The following INPP4B variants were observed in gnomAD, a reference collection of about 807,000 sequenced individuals.
INPP4B encodes inositol polyphosphate 4-phosphatase type II.
Under a neutral mutation model 122.5 loss-of-function variants are expected in INPP4B, and 55 were observed. The ratio of observed to expected loss-of-function variants is 0.45; its 90% CI spans 0.36 to 0.56. INPP4B has a LOEUF of 0.56. INPP4B is among the 20% of genes least tolerant of loss of function. The pLI is 0.00. For missense variants in INPP4B, 1,000 were observed against 1,097.7 expected (o/e 0.91, Z 1.26); for synonymous variants, 403 against 388.7 (o/e 1.04, Z -0.43).
chr4:142,165,621 T>C lies in INPP4B; in HGVS notation c.1360-5060A>G, dbSNP rs984083864. Among the ~76,000 whole-genome samples, 8 of 151,894 alleles carry C rather than the reference T, an allele frequency of 5.3e-5. No individual in the cohort carries two copies. The South Asian group carries it at 1.0e-3, about 20-fold the overall frequency. ...GTAATGTTCAATAATTCAAATCCAGTATCTTAACTCAGCCTATGTATTGTT... is the reference window on the plus strand; with the variant it reads ...GTAATGTTCAATAATTCAAATCCAGCATCTTAACTCAGCCTATGTATTGTT... On this transcript the variant is annotated intron_variant, in intron 16 of 25. Transcript: ENST00000262992.
chr4:142,026,699 T>A lies in INPP4B; in HGVS notation c.*2083A>T, dbSNP rs548557022. 1 of 152,310 alleles carries A rather than the reference T, an allele frequency of 6.6e-6. No individual in the cohort carries two copies. The highest frequency in any genetic ancestry group is 2.1e-4 in the South Asian group (1 of 4,818). 9.4% of individuals were successfully genotyped at this position (152,310 alleles called of 1,614,324 possible). ...CCAGGCTGATCTCCAATTCCTGACC[T>A]CAGGTGATCTATCCACCTTGGCTCC... On this transcript the variant is annotated 3_prime_UTR_variant, in exon 26 of 26. Coordinates refer to ENST00000262992, the MANE Select transcript of INPP4B (RefSeq NM_001101669.3).
At chr4:142,679,537 C>G (rs770755755) in intron 2 of INPP4B, among the ~76,000 whole-genome samples, 3 of 151,772 alleles carry the variant, frequency 2.0e-5, no homozygotes, top group Non-Finnish European at 4.4e-5. Flanking sequence ...ATTAGTAAAG[C>G]ATGCATTCCA....
intron 2 of INPP4B, among the ~76,000 whole-genome samples, chr4:142,629,086 G>A (rs555938976): frequency 1.3e-5 from 2 of 152,062 alleles, no homozygotes; most frequent in East Asian, 1.9e-4. Flanking sequence ...TCCCTTCCAG[G>A]ACTAAGGATG....
chr4:142,213,174 A>C (rs1845613157), intron 12 of INPP4B, among the ~76,000 whole-genome samples: 1 of 152,172 alleles, frequency 6.6e-6, no homozygotes, highest in African/African-American at 2.4e-5. Flanking sequence ...TGTGAGAGGA[A>C]ATGCAAACAC....
rs548191722 is a variant in INPP4B at position 142,673,025 on chromosome 4, A to G, written c.-191+52814T>C. 3.9e-5 allele frequency among the ~76,000 whole-genome samples: 6 copies of G among 152,262 alleles called. No individual in the cohort carries two copies. In the South Asian group the frequency reaches 1.2e-3, roughly 32 times the overall value. ...ATGAATTGTCTTTGCACCCTTGCCA[A>G]CATCACATGGCCATCCTACTTCTGT... On this transcript the variant is annotated intron_variant, in intron 2 of 25. Transcript: ENST00000262992.
chr4:142,239,530 GAAAT>G (rs2149996889), intron 11 of INPP4B, among the ~76,000 whole-genome samples: 1 of 152,138 alleles, frequency 6.6e-6, no homozygotes, highest in Admixed American at 6.6e-5. Flanking sequence ...TCTTTTGCCT[GAAAT>G]ATAAGAACTT....
At chr4:142,691,075 T>C (rs549943006) in intron 2 of INPP4B, among the ~76,000 whole-genome samples, 3 of 152,268 alleles carry the variant, frequency 2.0e-5, no homozygotes, top group South Asian at 4.1e-4. Context: ...GTGGGAACCA[T>C]TGGTTTAAAT....
At chr4:142,528,774 C>G (rs1269668624) in intron 2 of INPP4B, among the ~76,000 whole-genome samples, 1 of 151,986 alleles carries the variant, frequency 6.6e-6, no homozygotes, top group Non-Finnish European at 1.5e-5. Flanking sequence ...CTTATTTAAA[C>G]CTGTTTTTAC....
chr4:142,080,347 T>C (rs188682804), intron 25 of INPP4B, among the ~76,000 whole-genome samples: 2 of 152,236 alleles, frequency 1.3e-5, no homozygotes, highest in Non-Finnish European at 2.9e-5. Context: ...ACTCATCTTA[T>C]TTTCTTTAAA....
At chr4:142,438,150 C>A (rs1230607281) in intron 3 of INPP4B, among the ~76,000 whole-genome samples, 3 of 152,128 alleles carry the variant, frequency 2.0e-5, no homozygotes, top group Non-Finnish European at 2.9e-5. Context: ...AGATTCAATG[C>A]TATTCCCATC....
At chr4:142,151,722 G>A (rs1459193275) in intron 17 of INPP4B, among the ~76,000 whole-genome samples, 1 of 152,060 alleles carries the variant, frequency 6.6e-6, no homozygotes, top group African/African-American at 2.4e-5. Flanking sequence ...CAGCCTGGAG[G>A]CACATCTATA....
intron 2 of INPP4B, among the ~76,000 whole-genome samples, chr4:142,644,044 T>TA (rs964942871): frequency 9.9e-5 from 15 of 151,768 alleles, no homozygotes; most frequent in East Asian, 1.9e-4. Context: ...CTACAAAAAC[T>TA]AAAAAAATTA....
At chr4:142,692,988 A>T (rs1760441697) in intron 2 of INPP4B, among the ~76,000 whole-genome samples, 1 of 144,842 alleles carries the variant, frequency 6.9e-6, no homozygotes, top group African/African-American at 2.6e-5. Context: ...TACATAGTAA[A>T]TTCTAACAAC....
intron 2 of INPP4B, among the ~76,000 whole-genome samples, chr4:142,539,268 C>T (rs1314850611): frequency 6.6e-6 from 1 of 151,510 alleles, no homozygotes; most frequent in Non-Finnish European, 1.5e-5. Context: ...GAAAAATGTT[C>T]CTTAGTGAAG....
intron 1 of INPP4B, among the ~76,000 whole-genome samples, chr4:142,776,162 T>A (rs1231346952): frequency 2.0e-5 from 3 of 152,198 alleles, no homozygotes; most frequent in African/African-American, 7.2e-5. Flanking sequence ...GCTCTTACTA[T>A]TTCTTTTCAA....
chr4:142,536,810 C>T (rs541773178), intron 2 of INPP4B, among the ~76,000 whole-genome samples: 3 of 151,932 alleles, frequency 2.0e-5, no homozygotes, highest in East Asian at 3.9e-4. Context: ...TTTTCTTTTT[C>T]GAGACGGAGT....
chr4:142,428,262 T>C (rs1240336142), intron 5 of INPP4B, among the ~76,000 whole-genome samples: 1 of 151,150 alleles, frequency 6.6e-6, no homozygotes. Context: ...TATCTCAATT[T>C]GCTCCCAAAA....
At chr4:142,529,516 T>C (rs1470185967) in intron 2 of INPP4B, among the ~76,000 whole-genome samples, 1 of 152,066 alleles carries the variant, frequency 6.6e-6, no homozygotes, top group African/African-American at 2.4e-5. Flanking sequence ...TTTAAAAATG[T>C]AGCTATTTTC....
At chr4:142,247,091 T>C (rs1729273401) in intron 11 of INPP4B, among the ~76,000 whole-genome samples, 1 of 152,216 alleles carries the variant, frequency 6.6e-6, no homozygotes, top group African/African-American at 2.4e-5. Context: ...TGTGATCGAT[T>C]ATGTTTATTG....
Sources: gnomAD v4.1 joint callset for allele counts (sites outside exome capture counted in the v4.1 genomes callset) on GRCh38, gnomAD v4.1.1 for gene constraint, MANE v1.5 for transcripts, NCBI Gene and HGNC (gene_info 2026-07-23, HGNC 2026-07-21) for gene names.